Variants in KMT2C observed in about 807,000 individuals in gnomAD.
KMT2C encodes the protein lysine methyltransferase 2C.
KMT2C carries 88 observed loss-of-function variants against 507.9 expected under a neutral mutation model. The observed-to-expected ratio is 0.17, with a 90% CI of 0.15 to 0.21. The LOEUF (loss-of-function observed/expected upper bound fraction) is 0.21, where lower values mean the gene tolerates loss of function less well. Ranked by LOEUF, KMT2C falls within the 10% of genes least tolerant of loss-of-function variation. KMT2C has a pLI of 1.00. For synonymous variants in KMT2C, 2,049 were observed against 2,080.8 expected (o/e 0.98, Z 0.42); for missense variants, 4,954 against 5,957.8 (o/e 0.83, Z 5.55).
At chr7:152,267,546 G>A (rs1563654778) in intron 7 of KMT2C, among the ~76,000 whole-genome samples, 1 of 152,102 alleles carries the variant, frequency 6.6e-6, no homozygotes, top group Admixed American at 6.5e-5. Context: ...TGGTGCAAAA[G>A]TAACTGCAGT....
chr7:152,322,563 A>G (rs1343591976), intron 3 of KMT2C, among the ~76,000 whole-genome samples: 1 of 152,014 alleles, frequency 6.6e-6, no homozygotes, highest in East Asian at 1.9e-4. Context: ...ATCAATTCAA[A>G]ATAGATGAAA....
At chr7:152,432,945 A>G (rs1040331916) in intron 1 of KMT2C, among the ~76,000 whole-genome samples, 1 of 151,046 alleles carries the variant, frequency 6.6e-6, no homozygotes, top group Non-Finnish European at 1.5e-5. Flanking sequence ...TCGGGGGTTC[A>G]AGACCAGCCT....
intron 16 of KMT2C, among the ~76,000 whole-genome samples, chr7:152,235,403 T>A (rs7780135): frequency 0.029 from 4,407 of 152,096 alleles, 189 homozygotes; most frequent in African/African-American, 0.1. Flanking sequence ...CATTTCAGAA[T>A]TTTAAAAACA....
intron 1 of KMT2C, among the ~76,000 whole-genome samples, chr7:152,401,219 C>T (rs62495521): frequency 5.3e-4 from 77 of 145,140 alleles, no homozygotes; most frequent in Middle Eastern, 3.6e-3. Flanking sequence ...CCCAAGTAGC[C>T]GGGATAACAG....
At chr7:152,330,481 A>G in intron 3 of KMT2C, 120 bp downstream of exon 3, 1 of 979,444 alleles carries the variant, frequency 1.0e-6, no homozygotes, top group Non-Finnish European at 1.6e-6. Context: ...TTAGCTACTA[A>G]ATCATAAAAT....
At chr7:152,201,696 T>TA (rs552707818) in intron 26 of KMT2C, among the ~76,000 whole-genome samples, 4 of 142,442 alleles carry the variant, frequency 2.8e-5, no homozygotes, top group South Asian at 2.2e-4. Flanking sequence ...AATGATCGTT[T>TA]AAAAAAAAAC....
At chr7:152,349,813 T>C (rs1219638583) in intron 2 of KMT2C, among the ~76,000 whole-genome samples, 1 of 152,122 alleles carries the variant, frequency 6.6e-6, no homozygotes, top group African/African-American at 2.4e-5. Context: ...CAATGTAGGC[T>C]TAAAAAATTG....
intron 40 of KMT2C, 58 bp downstream of exon 40, chr7:152,171,206 G>A (rs2092947663): frequency 2.5e-6 from 3 of 1,187,234 alleles, no homozygotes; most frequent in African/African-American, 1.5e-5. Context: ...TAAAGCATGA[G>A]TTTGCTGGGA....
intron 31 of KMT2C, among the ~76,000 whole-genome samples, chr7:152,188,327 C>T (rs1044441758): frequency 6.6e-6 from 1 of 151,994 alleles, no homozygotes; most frequent in African/African-American, 2.4e-5. Context: ...TCAATTTTAC[C>T]TGTTAGAAGC....
intron 6 of KMT2C, among the ~76,000 whole-genome samples, chr7:152,284,521 C>T (rs11486919): frequency 0.044 from 6,689 of 152,108 alleles, 227 homozygotes; most frequent in South Asian, 0.09. Context: ...TTTAATAAAG[C>T]ATAAACAGCA....
In KMT2C at chr7:152,148,341, C is replaced by A. The variant is rs1342954023; in HGVS notation, c.13586G>T (p.Arg4529Leu). The A allele has an allele frequency of 6.2e-7, 1 of 1,614,152 alleles. No individual in the cohort carries two copies. ...FAVFRRVYVQ[R>L]DEVRQIASIV... ...GCTAGCAATCTGTCGCACCTCATCA[C>A]GCTGAACATAGACCCTCCTGAAGAC... Residue 4529 changes from arginine (R) to leucine (L), a missense_variant, in exon 52 of 59, where the codon CGT becomes CTT. Around this residue, in one of 29 missense-constraint regions of KMT2C, gnomAD observed 221 missense variants for 304.7 expected, o/e 0.73. Transcript: ENST00000262189. This position sits in a 1 kb window ranked among gnomAD's most constrained non-coding sequence, Gnocchi z 7.1.
At chr7:152,382,732 T>G (rs1226132249) in intron 1 of KMT2C, among the ~76,000 whole-genome samples, 117 of 145,454 alleles carry the variant, frequency 8.0e-4, no homozygotes, top group African/African-American at 3.3e-3. Context: ...TTGGTATAAT[T>G]ATCCTAAAGT....
chr7:152,367,220 T>C (rs2097254567), intron 1 of KMT2C: 16 of 1,482,508 alleles, frequency 1.1e-5, no homozygotes, highest in Non-Finnish European at 1.5e-5. Flanking sequence ...GCAGATGCAG[T>C]GTGTTTTGAT....
intron 1 of KMT2C, among the ~76,000 whole-genome samples, chr7:152,392,530 T>G (rs2097507056): frequency 1.3e-5 from 2 of 152,220 alleles, no homozygotes. Context: ...TCCCCTTCAG[T>G]GTCTTAAAGG....
At position 152,297,073 on chromosome 7, in the gene KMT2C, G is replaced by A. The variant is rs562372159; in HGVS notation, c.849+12893C>T. 2.7e-3 allele frequency among the ~76,000 whole-genome samples: 350 copies of A among 128,984 alleles called. 10 individuals are homozygous for A. The highest frequency in any genetic ancestry group is 0.012 in the African/African-American group (291 of 25,230). The allele number at this position is 128,984 out of a possible 152,430, so 84.6% of individuals were successfully genotyped here. A position where few individuals can be genotyped will look rare whatever the true frequency, so the allele number is the denominator to read the frequency against. ...AGAAAGACAGAGAGAGAGAGAGAGA[G>A]AGAGAGAGAGAGAGAGAGAGAAAGA... On this transcript the variant is annotated intron_variant, in intron 6 of 58. Transcript: ENST00000262189.
At chr7:152,360,172 C>T (rs189368201) in intron 1 of KMT2C, among the ~76,000 whole-genome samples, 1 of 151,464 alleles carries the variant, frequency 6.6e-6, no homozygotes, top group East Asian at 2.0e-4. Flanking sequence ...AAGTCTTGTT[C>T]TCATAAAAAA....
At chr7:152,414,200 A>C (rs574694355) in intron 1 of KMT2C, among the ~76,000 whole-genome samples, 2 of 147,728 alleles carry the variant, frequency 1.4e-5, no homozygotes, top group Non-Finnish European at 1.5e-5. Context: ...ACATAGTGAG[A>C]CTCTGTTTCA....
At chr7:152,158,344 C>T (rs1418788540) in intron 44 of KMT2C, among the ~76,000 whole-genome samples, 2 of 152,128 alleles carry the variant, frequency 1.3e-5, no homozygotes, top group African/African-American at 4.8e-5. Context: ...ACTGAGGCTA[C>T]TCCTTATGAA....
chr7:152,199,474 G>A lies in KMT2C; in HGVS notation c.4093-15C>T, dbSNP rs2129133223. On this transcript the variant is annotated splice_polypyrimidine_tract_variant and intron_variant, in intron 26 of 58. Transcript: ENST00000262189. ...AAGAAAGCTTCCTAGATGAAGATAA[G>A]CACATACAAAAATGGTTAGAAAATT... is the stretch of plus-strand genomic sequence containing the variant. 1 of 1,496,130 alleles carries A rather than the reference G, an allele frequency of 6.7e-7. No homozygotes were observed. Among genetic ancestry groups the A allele is most frequent in the Non-Finnish European group, 8.9e-7 (1 of 1,124,026 alleles). 92.7% of individuals were successfully genotyped at this position (1,496,130 alleles called of 1,614,324 possible).
Sources: allele counts gnomAD v4.1 joint callset (sites outside exome capture counted in the v4.1 genomes callset), GRCh38; gene constraint gnomAD v4.1.1; regional missense constraint gnomAD v4.1.1; non-coding constraint Gnocchi (gnomAD v3.1); transcripts MANE v1.5; gene names NCBI Gene and HGNC (gene_info 2026-07-23, HGNC 2026-07-21).